The following GPC5 variants were observed in gnomAD, a reference collection of about 807,000 sequenced individuals.
The protein encoded by GPC5 is glypican-5.
A neutral mutation model predicts 53.9 loss-of-function variants in GPC5; 47 were observed. That is an observed-to-expected ratio of 0.87 (90% CI 0.69 to 1.11). The LOEUF is 1.11. Among genes scored for constraint, GPC5 ranks in the 50% most tolerant of loss-of-function variants. GPC5 has a pLI of 0.00. For synonymous variants in GPC5, 286 were observed against 263.3 expected, an observed-to-expected ratio of 1.09 and a Z score of -0.84; for missense variants, 748 against 713.1, an observed-to-expected ratio of 1.05 and a Z score of -0.56.
intron 7 of GPC5, among the ~76,000 whole-genome samples, chr13:92,376,763 C>T (rs1013395965): frequency 7.9e-5 from 12 of 151,956 alleles, no homozygotes; most frequent in Non-Finnish European, 5.9e-5. Flanking sequence ...CGCCTGTAAT[C>T]CCAGCATTTT....
chr13:91,521,547 A>G (rs959982639), intron 2 of GPC5, among the ~76,000 whole-genome samples: 1 of 152,218 alleles, frequency 6.6e-6, no homozygotes, highest in African/African-American at 2.4e-5. Context: ...AGTTTTGTCT[A>G]TAACAATGAC....
At chr13:92,582,126 A>G (rs906392354) in intron 7 of GPC5, among the ~76,000 whole-genome samples, 9 of 152,084 alleles carry the variant, frequency 5.9e-5, no homozygotes, top group African/African-American at 2.2e-4. Context: ...GCCTACATCA[A>G]TGTCATATAG....
chr13:92,348,684 G>A (rs981809208), intron 7 of GPC5, among the ~76,000 whole-genome samples: 2 of 151,980 alleles, frequency 1.3e-5, no homozygotes, highest in African/African-American at 4.8e-5. Flanking sequence ...TATGACAAAA[G>A]CCTGAGTTTT....
chr13:91,918,740 C>G (rs913226649), intron 6 of GPC5, among the ~76,000 whole-genome samples: 1 of 152,148 alleles, frequency 6.6e-6, no homozygotes, highest in African/African-American at 2.4e-5. Flanking sequence ...TTGCTTACCT[C>G]TTTCTCTTTG....
chr13:92,314,159 C>A (rs925056549), intron 7 of GPC5, among the ~76,000 whole-genome samples: 27 of 151,992 alleles, frequency 1.8e-4, no homozygotes, highest in African/African-American at 5.8e-4. Context: ...CCAAACATGT[C>A]TTTTTCTTGA....
chr13:92,791,315 G>T (rs974436719), intron 7 of GPC5, among the ~76,000 whole-genome samples: 2 of 151,234 alleles, frequency 1.3e-5, no homozygotes, highest in Non-Finnish European at 2.9e-5. Flanking sequence ...TAAAAAATGA[G>T]TTAAAGAGTT....
At chr13:91,593,345 C>T (rs1272957135) in intron 2 of GPC5, among the ~76,000 whole-genome samples, 1 of 152,230 alleles carries the variant, frequency 6.6e-6, no homozygotes, top group Admixed American at 6.5e-5. Flanking sequence ...CGTGGTCGCA[C>T]TCAGTGGGAG....
intron 7 of GPC5, among the ~76,000 whole-genome samples, chr13:92,415,599 G>A (rs1336434281): frequency 1.3e-5 from 2 of 151,830 alleles, no homozygotes; most frequent in African/African-American, 4.8e-5. Context: ...GTGTCTGTGG[G>A]ATATCTAGGC....
At chr13:91,927,784 T>C (rs1422746344) in intron 6 of GPC5, among the ~76,000 whole-genome samples, 1 of 152,168 alleles carries the variant, frequency 6.6e-6, no homozygotes, top group Non-Finnish European at 1.5e-5. Context: ...ATGGTATAGA[T>C]AGGCATTGCA....
At chr13:92,788,459 G>A (rs569384862) in intron 7 of GPC5, among the ~76,000 whole-genome samples, 7 of 152,144 alleles carry the variant, frequency 4.6e-5, no homozygotes, top group Admixed American at 4.6e-4. Context: ...TTTTGACAGT[G>A]GCAATTAGAA....
chr13:92,791,689 G>A (rs1876468761), intron 7 of GPC5, among the ~76,000 whole-genome samples: 1 of 151,944 alleles, frequency 6.6e-6, no homozygotes. Context: ...ATTTTAGTGT[G>A]TACATATATA....
At chr13:91,450,278 A>G (rs1171546163) in intron 2 of GPC5, among the ~76,000 whole-genome samples, 3 of 152,190 alleles carry the variant, frequency 2.0e-5, no homozygotes, top group Admixed American at 2.0e-4. Flanking sequence ...ATTTTAAACC[A>G]AGATTTGTGA....
chr13:92,222,228 C>A (rs912873290), intron 7 of GPC5, among the ~76,000 whole-genome samples: 1 of 152,060 alleles, frequency 6.6e-6, no homozygotes, highest in African/African-American at 2.4e-5. Context: ...AGACTATTGT[C>A]GTCACTGAAC....
intron 7 of GPC5, among the ~76,000 whole-genome samples, chr13:92,427,084 A>T (rs1477904506): frequency 6.6e-6 from 1 of 151,802 alleles, no homozygotes; most frequent in Admixed American, 6.6e-5. Context: ...CTGAATATTT[A>T]TTGAAAAAAA....
At chr13:92,691,584 T>A (rs1887402207) in intron 7 of GPC5, among the ~76,000 whole-genome samples, 1 of 152,070 alleles carries the variant, frequency 6.6e-6, no homozygotes, top group South Asian at 2.1e-4. Context: ...CCATCTTGGC[T>A]CCTCCCTCAA....
intron 7 of GPC5, among the ~76,000 whole-genome samples, chr13:92,600,186 T>G (rs964777992): frequency 4.6e-5 from 7 of 152,194 alleles, no homozygotes; most frequent in Non-Finnish European, 1.0e-4. Flanking sequence ...TAGGTGGATT[T>G]GCTTTTTTTC....
intron 2 of GPC5, among the ~76,000 whole-genome samples, chr13:91,557,264 A>G (rs1051464020): frequency 6.6e-6 from 1 of 152,024 alleles, no homozygotes; most frequent in Non-Finnish European, 1.5e-5. Flanking sequence ...GTGTACTGAT[A>G]TTGCATTGTG....
At chr13:92,837,417 G>A (rs1271557577) in intron 7 of GPC5, among the ~76,000 whole-genome samples, 2 of 152,064 alleles carry the variant, frequency 1.3e-5, no homozygotes, top group Non-Finnish European at 2.9e-5. Flanking sequence ...GACAGGGGAA[G>A]GTCTTAAAAA....
At chr13:92,039,473 A>G (rs1041851970) in intron 6 of GPC5, among the ~76,000 whole-genome samples, 10 of 152,200 alleles carry the variant, frequency 6.6e-5, no homozygotes, top group African/African-American at 2.2e-4. Flanking sequence ...CACTCATTTA[A>G]TGTCTCTGTA....
Sources: gnomAD v4.1 joint callset for allele counts (sites outside exome capture counted in the v4.1 genomes callset) on GRCh38, gnomAD v4.1.1 for gene constraint, MANE v1.5 for transcripts, NCBI Gene and HGNC (gene_info 2026-07-23, HGNC 2026-07-21) for gene names.